Variants in TRIM24 observed in about 807,000 individuals in gnomAD.
The protein encoded by TRIM24 is transcription intermediary factor 1-alpha.
TRIM24 carries 29 observed loss-of-function variants against 123.9 expected under a neutral mutation model. That is an observed-to-expected ratio of 0.23 (90% CI 0.17 to 0.32). The LOEUF is 0.32. Ranked by LOEUF, TRIM24 falls within the 10% of genes least tolerant of loss-of-function variation. The pLI is 1.00. For missense variants in TRIM24, 932 were observed against 1,295.3 expected (o/e 0.72, Z 4.31); for synonymous variants, 456 against 461.1 (o/e 0.99, Z 0.14).
chr7:138,540,110 T>A (rs749983956), intron 7 of TRIM24, among the ~76,000 whole-genome samples: 10 of 152,208 alleles, frequency 6.6e-5, no homozygotes, highest in Non-Finnish European at 1.5e-4. Flanking sequence ...TAAAGAATAC[T>A]TTATTGCCAA....
chr7:138,488,505 T>A (rs1176677570), intron 1 of TRIM24, among the ~76,000 whole-genome samples: 3 of 152,152 alleles, frequency 2.0e-5, no homozygotes, highest in African/African-American at 4.8e-5. Flanking sequence ...ATTTCCCTCC[T>A]CACACTGCTT....
intron 4 of TRIM24, 33 bp from the exon 5 acceptor site, chr7:138,525,207 AT>A: frequency 1.9e-6 from 2 of 1,039,308 alleles, no homozygotes; most frequent in Non-Finnish European, 2.7e-6. Context: ...CTCATTGTAT[AT>A]TTTTATATGA....
intron 9 of TRIM24, among the ~76,000 whole-genome samples, chr7:138,559,057 G>A (rs186675051): frequency 3.9e-5 from 6 of 152,288 alleles, no homozygotes; most frequent in African/African-American, 1.2e-4. Flanking sequence ...AGGGGAAGAG[G>A]CTTTGATTTG....
intron 6 of TRIM24, among the ~76,000 whole-genome samples, chr7:138,536,709 C>A (rs925766960): frequency 2.6e-5 from 4 of 152,210 alleles, no homozygotes; most frequent in Non-Finnish European, 5.9e-5. Flanking sequence ...ATCTCAAACT[C>A]CGTGCTAGGA....
At chr7:138,497,642 G>A (rs567861603) in intron 1 of TRIM24, among the ~76,000 whole-genome samples, 19 of 151,832 alleles carry the variant, frequency 1.3e-4, no homozygotes, top group South Asian at 6.2e-4. Context: ...TGATCCGTCC[G>A]CCTCGGTCTC....
intron 1 of TRIM24, among the ~76,000 whole-genome samples, chr7:138,489,033 T>C (rs1466209711): frequency 6.6e-6 from 1 of 152,220 alleles, no homozygotes; most frequent in Non-Finnish European, 1.5e-5. Context: ...TGGGTGCTCC[T>C]GTATTGGGTG....
In TRIM24 at chr7:138,504,412, A is replaced by G; in HGVS notation, c.483+4A>G. 7.3e-7 allele frequency: 1 copy of G among 1,365,540 alleles called. No individual in the cohort carries two copies. The allele number at this position is 1,365,540 out of a possible 1,614,324, so 84.6% of individuals were successfully genotyped here. On this transcript the variant is annotated splice_donor_region_variant and intron_variant, in intron 2 of 18. Transcript: ENST00000343526. ...TACAGTAGAAAAGTCAAATCAGGTAAGTGTATTACATCTTGAACCTTTTGC... is the reference window on the plus strand; with the variant it reads ...TACAGTAGAAAAGTCAAATCAGGTAGGTGTATTACATCTTGAACCTTTTGC...
intron 9 of TRIM24, among the ~76,000 whole-genome samples, chr7:138,564,145 TAGG>T (rs1038284609): frequency 2.2e-4 from 34 of 152,182 alleles, no homozygotes; most frequent in African/African-American, 8.0e-4. Flanking sequence ...GTTTCCAGTT[TAGG>T]AGATCAGTGG....
At chr7:138,537,379 GTTTTTT>G (rs71177994) in intron 6 of TRIM24, among the ~76,000 whole-genome samples, 3 of 56,642 alleles carry the variant, frequency 5.3e-5, no homozygotes, top group African/African-American at 2.1e-4. Context: ...ACCCCTGTTT[GTTTTTT>G]TTTTTTTTTT....
chr7:138,468,536 C>T lies in TRIM24; in HGVS notation c.364+7624C>T, dbSNP rs1052565583. ...TTACTTCTAGCTTTTTAAAGTATCT[C>T]GTAGATAGCGTATAGTTGTCTTACT... On this transcript the variant is annotated intron_variant, in intron 1 of 18. Transcript: ENST00000343526. Among the ~76,000 whole-genome samples, 114 of 151,644 alleles carry T rather than the reference C, an allele frequency of 7.5e-4. 2 individuals are homozygous for T. Among genetic ancestry groups the T allele is most frequent in the Admixed American group, 7.3e-3 (111 of 15,220 alleles).
intron 1 of TRIM24, among the ~76,000 whole-genome samples, chr7:138,477,164 A>G (rs1795422213): frequency 6.6e-6 from 1 of 152,104 alleles, no homozygotes; most frequent in Non-Finnish European, 1.5e-5. Flanking sequence ...ATTTACAAAT[A>G]AACAACGGAG....
intron 1 of TRIM24, among the ~76,000 whole-genome samples, chr7:138,501,024 G>A (rs946627920): frequency 6.6e-6 from 1 of 152,058 alleles, no homozygotes; most frequent in South Asian, 2.1e-4. Flanking sequence ...TTGCAGGACT[G>A]TAATTTGCTC....
chr7:138,576,543 CAATTTCCTTTATTTTT>C (rs1301001935), intron 13 of TRIM24, 98 bp downstream of exon 13: 3 of 966,270 alleles, frequency 3.1e-6, no homozygotes, highest in East Asian at 5.3e-5. Flanking sequence ...ATATTTTGAA[CAATTTCCTTTATTTTT>C]AATTAAAATT....
chr7:138,524,389 TA>T (rs1212336394), intron 4 of TRIM24, among the ~76,000 whole-genome samples: 1 of 151,832 alleles, frequency 6.6e-6, no homozygotes, highest in Non-Finnish European at 1.5e-5. Flanking sequence ...TTTACTAAGG[TA>T]AAAAAAACTT....
At chr7:138,488,404 T>C (rs941082926) in intron 1 of TRIM24, among the ~76,000 whole-genome samples, 2 of 152,202 alleles carry the variant, frequency 1.3e-5, no homozygotes, top group South Asian at 2.1e-4. Flanking sequence ...TGAATTTGTT[T>C]GCTCTTGCAT....
At chr7:138,538,574 T>C in intron 6 of TRIM24, 83 bp from the exon 7 acceptor site, 3 of 1,377,442 alleles carry the variant, frequency 2.2e-6, no homozygotes, top group Non-Finnish European at 3.0e-6. Flanking sequence ...ATTGTAGTTA[T>C]TCTAATTTGT....
At chr7:138,483,287 C>T (rs1391930788) in intron 1 of TRIM24, among the ~76,000 whole-genome samples, 1 of 152,178 alleles carries the variant, frequency 6.6e-6, no homozygotes, top group Non-Finnish European at 1.5e-5. Flanking sequence ...CTTTCTAATT[C>T]TAGTAAGTTC....
intron 6 of TRIM24, among the ~76,000 whole-genome samples, chr7:138,535,185 T>G (rs984436603): frequency 1.2e-4 from 18 of 152,344 alleles, no homozygotes; most frequent in African/African-American, 4.1e-4. Context: ...TCAGTCTGTG[T>G]GTTTTAATTG....
intron 1 of TRIM24, among the ~76,000 whole-genome samples, chr7:138,486,140 T>C (rs1363090246): frequency 6.6e-6 from 1 of 152,252 alleles, no homozygotes; most frequent in Non-Finnish European, 1.5e-5. Flanking sequence ...ATGTTTTCTT[T>C]TGAAAAGTGT....
Sources: allele counts gnomAD v4.1 joint callset (sites outside exome capture counted in the v4.1 genomes callset), GRCh38; gene constraint gnomAD v4.1.1; transcripts MANE v1.5; gene names NCBI Gene and HGNC (gene_info 2026-07-23, HGNC 2026-07-21).